The following SLC35D1 variants were observed in gnomAD, a reference collection of about 807,000 sequenced individuals.
The protein encoded by SLC35D1 is solute carrier family 35 member D1.
SLC35D1 carries 31 observed loss-of-function variants against 46.7 expected under a neutral mutation model. The observed-to-expected ratio is 0.66, with a 90% CI of 0.50 to 0.90. The LOEUF (loss-of-function observed/expected upper bound fraction) is 0.90. SLC35D1 is among the 40% of genes least tolerant of loss of function. The pLI, the probability that SLC35D1 is intolerant of heterozygous loss-of-function variation, is 0.00. For synonymous variants in SLC35D1, 195 were observed against 164.6 expected, an observed-to-expected ratio of 1.18 and a Z score of -1.41; for missense variants, 397 against 426.2, an observed-to-expected ratio of 0.93 and a Z score of 0.60.
chr1:66,986,068 G>C, the SLC35D1 span: 1 of 1,027,162 alleles, frequency 9.7e-7, no homozygotes, highest in Non-Finnish European at 1.2e-6. Context: ...GGGGGGTCAA[G>C]TGATACTTAG....
At chr1:67,032,046 A>T (rs1668027266) in intron 8 of SLC35D1, 1 of 985,292 alleles carries the variant, frequency 1.0e-6, no homozygotes. Flanking sequence ...TGTGTGACAC[A>T]GAACTAAACA....
intron 10 of SLC35D1, among the ~76,000 whole-genome samples, chr1:67,019,103 C>T (rs1038972692): frequency 1.3e-5 from 2 of 152,116 alleles, no homozygotes; most frequent in Non-Finnish European, 1.5e-5. Context: ...TTATTTGTAT[C>T]CCATGTTGAT....
the SLC35D1 span, chr1:66,973,000 T>A: frequency 6.6e-7 from 1 of 1,507,828 alleles, no homozygotes; most frequent in Non-Finnish European, 9.2e-7. Context: ...AAGTAAGTAA[T>A]GATAATCTCT....
intron 3 of SLC35D1, 25 bp downstream of exon 3, chr1:67,052,746 T>C: frequency 1.2e-6 from 2 of 1,611,604 alleles, no homozygotes; most frequent in Non-Finnish European, 8.5e-7. Flanking sequence ...TTTCACAAAA[T>C]AAAGTATCGC....
At chr1:67,019,277 G>A (rs1235769696) in intron 10 of SLC35D1, among the ~76,000 whole-genome samples, 1 of 152,122 alleles carries the variant, frequency 6.6e-6, no homozygotes, top group East Asian at 1.9e-4. Context: ...TGCCCTTGAG[G>A]CATTCACTTT....
At chr1:66,977,113 C>A in the SLC35D1 span, among the ~76,000 whole-genome samples, 1 of 144,062 alleles carries the variant, frequency 6.9e-6, no homozygotes, top group South Asian at 2.2e-4. Context: ...TTTTAATCTT[C>A]TTTTTTTTTT....
At chr1:67,045,776 C>G (rs796264657) in intron 7 of SLC35D1, among the ~76,000 whole-genome samples, 14 of 152,218 alleles carry the variant, frequency 9.2e-5, no homozygotes, top group African/African-American at 3.4e-4. Flanking sequence ...CAGTTATTTT[C>G]AAGTGCTCAA....
At chr1:66,974,097 TTA>T in the SLC35D1 span, among the ~76,000 whole-genome samples, 1 of 152,056 alleles carries the variant, frequency 6.6e-6, no homozygotes, top group African/African-American at 2.4e-5. Context: ...CTTATTTTTA[TTA>T]TTTTTTTTTT....
chr1:67,036,484 A>G (rs1255192631), intron 8 of SLC35D1, among the ~76,000 whole-genome samples: 1 of 152,030 alleles, frequency 6.6e-6, no homozygotes, highest in Non-Finnish European at 1.5e-5. Flanking sequence ...TATATTTACA[A>G]CTGTTATATC....
chr1:66,985,406 C>T, the SLC35D1 span: 1 of 982,480 alleles, frequency 1.0e-6, no homozygotes, highest in Non-Finnish European at 1.2e-6. Context: ...TTAAGGAAAC[C>T]CTTACGAATC....
Position 67,004,562 on chromosome 1 carries a change from G to C in SLC35D1, c.960-114C>G, listed in dbSNP as rs189320252. On this transcript the variant is annotated intron_variant, in intron 11 of 11. Coordinates refer to ENST00000235345, the MANE Select transcript of SLC35D1 (RefSeq NM_015139.3). Reference sequence around the variant, plus strand: ...ATTAGATGAAGAGTAAAGTTTCACAGTGGGGAAATTCATACAATGAAGTAC... The same window carrying C: ...ATTAGATGAAGAGTAAAGTTTCACACTGGGGAAATTCATACAATGAAGTAC... The C allele has an allele frequency of 3.1e-4, 252 of 814,756 alleles. 1 individual carries two copies. The Admixed American group carries it at 4.6e-3, about 15-fold the overall frequency. 50.5% of individuals were successfully genotyped at this position (814,756 alleles called of 1,614,324 possible).
At chr1:67,053,745 G>T (rs1645338262) in intron 1 of SLC35D1, 66 bp downstream of exon 1, 2 of 1,369,642 alleles carry the variant, frequency 1.5e-6, no homozygotes, top group South Asian at 1.7e-5. Flanking sequence ...CCAGGGAGCC[G>T]GCGCCGCGCC....
the SLC35D1 span, chr1:66,987,187 T>C: frequency 6.5e-6 from 1 of 152,774 alleles, no homozygotes; most frequent in South Asian, 2.1e-4. Flanking sequence ...TTTAATTGTA[T>C]TTTGTGTTTA....
Position 67,007,292 on chromosome 1 carries a change from C to T in SLC35D1, c.959+1793G>A, listed in dbSNP as rs1667471695. On this transcript the variant is annotated intron_variant, in intron 11 of 11. Coordinates refer to ENST00000235345, the MANE Select transcript of SLC35D1 (RefSeq NM_015139.3). ...GCAGGTTCAATGTCTAGAGAGGGCT[C>T]TCTGGTTCACAGACAGTATCTTCTC... Among the ~76,000 whole-genome samples the T allele has an allele frequency of 1.3e-5, 2 of 152,180 alleles. 1 individual carries two copies. The highest frequency in any genetic ancestry group is 4.1e-4 in the South Asian group (2 of 4,832).
chr1:67,011,579 C>A (rs1434366653), intron 10 of SLC35D1, among the ~76,000 whole-genome samples: 1 of 152,152 alleles, frequency 6.6e-6, no homozygotes, highest in African/African-American at 2.4e-5. Context: ...GCCTCCTAGG[C>A]TCAAGCAATC....
intron 10 of SLC35D1, among the ~76,000 whole-genome samples, chr1:67,014,501 T>A: frequency 6.6e-6 from 1 of 152,068 alleles, no homozygotes; most frequent in South Asian, 2.1e-4. Flanking sequence ...TATATATACA[T>A]GTCTAAGTGT....
chr1:67,009,698 T>TCAG (rs3048471), intron 10 of SLC35D1, among the ~76,000 whole-genome samples: 3,161 of 151,812 alleles, frequency 0.021, 118 homozygotes, highest in African/African-American at 0.072. Context: ...TTGGCGAGGT[T>TCAG]GAGAAAAAGG....
downstream of SLC35D1, among the ~76,000 whole-genome samples, chr1:66,997,582 CA>C (rs1558144833): frequency 4.4e-5 from 6 of 135,480 alleles, no homozygotes; most frequent in East Asian, 1.3e-3. Context: ...TATATATACA[CA>C]CACAGATATA....
rs1427867932 is a variant in SLC35D1 at position 67,002,491 on chromosome 1, G to A, written c.*1849C>T. On this transcript the variant is annotated 3_prime_UTR_variant, in exon 12 of 12. Transcript: ENST00000235345. Reference sequence around the variant, plus strand: ...TTTCTCTGAGTTTTGTTTTCTCATTGGTAAAATAGGGAGAGTAAGACCCAT... The same window carrying A: ...TTTCTCTGAGTTTTGTTTTCTCATTAGTAAAATAGGGAGAGTAAGACCCAT... 1 of 152,194 alleles carries A rather than the reference G, an allele frequency of 6.6e-6. No homozygotes were observed. Among genetic ancestry groups the A allele is most frequent in the Non-Finnish European group, 1.5e-5 (1 of 68,022 alleles). The allele number at this position is 152,194 out of a possible 1,614,324, so 9.4% of individuals were successfully genotyped here.
Sources: gnomAD v4.1 joint callset for allele counts (sites outside exome capture counted in the v4.1 genomes callset) on GRCh38, gnomAD v4.1.1 for gene constraint, MANE v1.5 for transcripts, NCBI Gene and HGNC (gene_info 2026-07-23, HGNC 2026-07-21) for gene names.